Variants in DPP6 observed in about 807,000 individuals in gnomAD.
The protein encoded by DPP6 is dipeptidyl peptidase like 6.
A neutral mutation model predicts 122.6 loss-of-function variants in DPP6; 69 were observed. The observed-to-expected ratio is 0.56, with a 90% CI of 0.46 to 0.69. The LOEUF (loss-of-function observed/expected upper bound fraction) is 0.69, where lower values mean the gene tolerates loss of function less well. Ranked by LOEUF, DPP6 falls within the 30% of genes least tolerant of loss-of-function variation. DPP6 has a pLI of 0.00. For missense variants in DPP6, 928 were observed against 1,116.9 expected (o/e 0.83, Z 2.41); for synonymous variants, 418 against 433.1 (o/e 0.97, Z 0.43).
intron 1 of DPP6, among the ~76,000 whole-genome samples, chr7:154,343,759 T>C (rs759276699): frequency 7.9e-5 from 12 of 152,184 alleles, no homozygotes; most frequent in Non-Finnish European, 1.5e-4. Flanking sequence ...TTTTGTATTA[T>C]TAGTACAGAT....
rs544658916 is a variant in DPP6 at position 154,478,659 on chromosome 7, A to G, written c.457+3622A>G. ...TTGAAATAACTTGATCAATATCACA[A>G]AGTTTGTAAGTAGCAAAATTCTGAT... On this transcript the variant is annotated intron_variant, in intron 3 of 25. Transcript: ENST00000377770. Among the ~76,000 whole-genome samples, 19 of 152,246 alleles carry G rather than the reference A, an allele frequency of 1.2e-4. 1 individual carries two copies. Among genetic ancestry groups the G allele is most frequent in the South Asian group, 1.2e-3 (6 of 4,824 alleles).
chr7:154,530,000 T>G (rs906352251), intron 3 of DPP6, among the ~76,000 whole-genome samples: 4 of 151,784 alleles, frequency 2.6e-5, no homozygotes, highest in African/African-American at 9.7e-5. Context: ...GTGGCACATA[T>G]CTGTGGTCCC....
At chr7:154,598,275 C>T (rs548429144) in intron 5 of DPP6, among the ~76,000 whole-genome samples, 5 of 152,260 alleles carry the variant, frequency 3.3e-5, no homozygotes, top group Middle Eastern at 6.8e-3. Context: ...GAAACATGGC[C>T]AAGTCATCAC....
chr7:154,061,879 G>C (rs571171820), intron 1 of DPP6, among the ~76,000 whole-genome samples: 2 of 130,698 alleles, frequency 1.5e-5, no homozygotes, highest in Admixed American at 7.5e-5. Context: ...CCCCCGCGAG[G>C]CAGGGACTGA....
At chr7:154,226,394 G>A (rs1361033866) in intron 1 of DPP6, among the ~76,000 whole-genome samples, 1 of 152,194 alleles carries the variant, frequency 6.6e-6, no homozygotes, top group African/African-American at 2.4e-5. Context: ...CAGCAGAAGA[G>A]CAGAGAAAGG....
chr7:154,058,740 G>A (rs1315182341), intron 1 of DPP6: 2 of 150,842 alleles, frequency 1.3e-5, no homozygotes, highest in Non-Finnish European at 1.5e-5. Flanking sequence ...GGATTACTGA[G>A]AGCCAGTCCC....
intron 1 of DPP6, among the ~76,000 whole-genome samples, chr7:154,122,554 C>T (rs1807558623): frequency 6.6e-6 from 1 of 152,168 alleles, no homozygotes; most frequent in African/African-American, 2.4e-5. Context: ...TCTCTGTGAG[C>T]TTGTGTTTCT....
chr7:153,803,988 G>A, the DPP6 span, among the ~76,000 whole-genome samples: 4 of 151,062 alleles, frequency 2.6e-5, no homozygotes, highest in Non-Finnish European at 4.4e-5. Flanking sequence ...TTGCTCAAAT[G>A]TTAACTTTTC....
chr7:153,875,587 TATTA>T, the DPP6 span, among the ~76,000 whole-genome samples: 1 of 152,036 alleles, frequency 6.6e-6, no homozygotes, highest in East Asian at 1.9e-4. Context: ...ATTGTAGATA[TATTA>T]ATTAATGCAA....
intron 1 of DPP6, among the ~76,000 whole-genome samples, chr7:154,170,157 C>T (rs1420308295): frequency 1.3e-5 from 2 of 152,144 alleles, no homozygotes; most frequent in Non-Finnish European, 2.9e-5. Context: ...AGTGGGGCCA[C>T]AGTCAACAGG....
intron 1 of DPP6, among the ~76,000 whole-genome samples, chr7:154,161,372 C>T (rs1796974095): frequency 6.6e-6 from 1 of 152,250 alleles, no homozygotes; most frequent in African/African-American, 2.4e-5. Flanking sequence ...TGGCTCATGC[C>T]TGTAATCCCA....
chr7:154,807,052 T>G lies in DPP6; in HGVS notation c.1606T>G (p.Cys536Gly). The change falls in exon 16 of 26, where the codon TGC becomes GGC. Residue 536 changes from cysteine (C) to glycine (G), a missense_variant. Cys to Gly is a radical substitution (Grantham distance 159, BLOSUM62 -3). Transcript: ENST00000377770. ...CCTCTCCTGTGACCTGGTTGAGAACTGCACCTACTTCAGCGCTTCCTTCAG... is the reference window on the plus strand; with the variant it reads ...CCTCTCCTGTGACCTGGTTGAGAACGGCACCTACTTCAGCGCTTCCTTCAG... ...QCLSCDLVEN[C>G]TYFSASFSHS... 6.2e-7 allele frequency: 1 copy of G among 1,613,920 alleles called. No individual in the cohort carries two copies. Among genetic ancestry groups the G allele is most frequent in the Non-Finnish European group, 8.5e-7 (1 of 1,179,864 alleles).
chr7:154,233,727 C>T (rs1801040737), intron 1 of DPP6, among the ~76,000 whole-genome samples: 1 of 152,320 alleles, frequency 6.6e-6, no homozygotes, highest in Middle Eastern at 3.4e-3. Flanking sequence ...ACCCTGATGA[C>T]ACCTTGATCT....
intron 4 of DPP6, among the ~76,000 whole-genome samples, chr7:154,542,656 CT>C (rs1392525985): frequency 6.6e-6 from 1 of 152,162 alleles, no homozygotes; most frequent in African/African-American, 2.4e-5. Flanking sequence ...ATAATGCAAT[CT>C]TTTTTCCTTA....
At chr7:154,616,585 CG>C (rs1379605353) in intron 5 of DPP6, among the ~76,000 whole-genome samples, 1 of 152,102 alleles carries the variant, frequency 6.6e-6, no homozygotes, top group Non-Finnish European at 1.5e-5. Flanking sequence ...CTGTGACTCT[CG>C]GGCGCGAGCG....
intron 7 of DPP6, among the ~76,000 whole-genome samples, chr7:154,674,942 C>T (rs1276023647): frequency 6.6e-6 from 1 of 152,202 alleles, no homozygotes; most frequent in Non-Finnish European, 1.5e-5. Flanking sequence ...CAGTGAGCAA[C>T]TGTCCTGTGT....
intron 1 of DPP6, among the ~76,000 whole-genome samples, chr7:154,237,194 T>C (rs1801274625): frequency 6.6e-6 from 1 of 152,226 alleles, no homozygotes; most frequent in South Asian, 2.1e-4. Flanking sequence ...TGTTTTGTCC[T>C]ATAGTCCTTA....
intron 6 of DPP6, among the ~76,000 whole-genome samples, chr7:154,652,953 G>T (rs1836972047): frequency 6.6e-6 from 1 of 152,128 alleles, no homozygotes; most frequent in South Asian, 2.1e-4. Context: ...TGTCTGAACT[G>T]GCTCCGTTCA....
intron 1 of DPP6, among the ~76,000 whole-genome samples, chr7:154,386,810 G>A (rs542890288): frequency 3.3e-5 from 5 of 152,276 alleles, no homozygotes; most frequent in Admixed American, 2.0e-4. Flanking sequence ...CACTGAGCTC[G>A]TGCAATACTG....
Sources: allele counts gnomAD v4.1 joint callset (sites outside exome capture counted in the v4.1 genomes callset), GRCh38; gene constraint gnomAD v4.1.1; transcripts MANE v1.5; gene names NCBI Gene and HGNC (gene_info 2026-07-23, HGNC 2026-07-21).